Variants in GALNT17 observed in about 807,000 individuals in gnomAD.
GALNT17 encodes polypeptide N-acetylgalactosaminyltransferase 17, also known as UDP-GalNAc:polypeptide N-acetylgalactosaminyltransferase-like 3.
GALNT17 carries 29 observed loss-of-function variants against 63.7 expected under a neutral mutation model. That is an observed-to-expected ratio of 0.46 (90% CI 0.34 to 0.62). The LOEUF (loss-of-function observed/expected upper bound fraction) is 0.62. Ranked by LOEUF, GALNT17 falls within the 20% of genes least tolerant of loss-of-function variation. GALNT17 has a pLI of 0.01. For missense variants in GALNT17, 603 were observed against 799.6 expected, an observed-to-expected ratio of 0.75 and a Z score of 2.97; for synonymous variants, 305 against 318.3, an observed-to-expected ratio of 0.96 and a Z score of 0.45.
chr7:71,283,822 C>T (rs138735582), intron 1 of GALNT17, among the ~76,000 whole-genome samples: 1,553 of 152,052 alleles, frequency 0.01, 25 homozygotes, highest in African/African-American at 0.035. Flanking sequence ...CTTCCTGGGT[C>T]GAGTGGGGAC....
At chr7:71,434,966 GA>G (rs1404232396) in intron 5 of GALNT17, among the ~76,000 whole-genome samples, 1 of 152,198 alleles carries the variant, frequency 6.6e-6, no homozygotes, top group African/African-American at 2.4e-5. Context: ...AAGGCTGGTT[GA>G]CAGAGGGTGT....
At chr7:71,341,761 T>C (rs1246124777) in intron 2 of GALNT17, among the ~76,000 whole-genome samples, 1 of 152,206 alleles carries the variant, frequency 6.6e-6, no homozygotes, top group African/African-American at 2.4e-5. Flanking sequence ...TTACCTCCTC[T>C]GAATTTGTTT....
intron 1 of GALNT17, among the ~76,000 whole-genome samples, chr7:71,225,800 G>A (rs1204846438): frequency 6.6e-6 from 1 of 152,136 alleles, no homozygotes; most frequent in African/African-American, 2.4e-5. Flanking sequence ...AATTGATTAA[G>A]TAAATGATGA....
chr7:71,578,330 C>G (rs897202478), intron 6 of GALNT17, among the ~76,000 whole-genome samples: 3 of 152,034 alleles, frequency 2.0e-5, no homozygotes, highest in Admixed American at 2.0e-4. Context: ...GCCATCACAC[C>G]CGGCCTACAA....
intron 6 of GALNT17, among the ~76,000 whole-genome samples, chr7:71,622,824 A>G (rs113401390): frequency 6.8e-4 from 104 of 152,274 alleles, no homozygotes; most frequent in African/African-American, 2.3e-3. Flanking sequence ...GAAGTTGGCA[A>G]TAGTGCTCTT....
At chr7:71,243,074 G>A (rs1041615744) in intron 1 of GALNT17, among the ~76,000 whole-genome samples, 4 of 152,176 alleles carry the variant, frequency 2.6e-5, no homozygotes, top group Non-Finnish European at 4.4e-5. Context: ...GGGTCCAGGT[G>A]GGAGGTGATT....
At chr7:71,429,677 G>A (rs1786823943) in intron 5 of GALNT17, among the ~76,000 whole-genome samples, 1 of 152,130 alleles carries the variant, frequency 6.6e-6, no homozygotes, top group Admixed American at 6.6e-5. Context: ...AGCGGAGCTG[G>A]GACCACAGGC....
chr7:71,135,504 G>T (rs952340995), intron 1 of GALNT17, among the ~76,000 whole-genome samples: 1 of 152,218 alleles, frequency 6.6e-6, no homozygotes, highest in East Asian at 1.9e-4. Context: ...GAGTGTCAGA[G>T]CTGGGAATCG....
At chr7:71,389,518 A>G (rs992198753) in intron 3 of GALNT17, among the ~76,000 whole-genome samples, 7 of 151,990 alleles carry the variant, frequency 4.6e-5, no homozygotes, top group Non-Finnish European at 1.0e-4. Context: ...CCTGACCCCC[A>G]TGTTCCATGG....
chr7:71,688,569 C>T (rs1267894299), intron 9 of GALNT17, among the ~76,000 whole-genome samples: 3 of 152,224 alleles, frequency 2.0e-5, no homozygotes, highest in African/African-American at 7.2e-5. Context: ...TCGTGATCCA[C>T]GTGCAGAGCA....
rs1789173303 is a variant in GALNT17, at chr7:71,556,889, T to G, written c.963-14396T>G. 2.0e-5 allele frequency among the ~76,000 whole-genome samples: 3 copies of G among 152,024 alleles called. No individual in the cohort carries two copies. The South Asian group carries it at 6.2e-4, about 32-fold the overall frequency. ...CCCCCTTGACATAATCTTATTTTGC[T>G]CTTTGTCCTCTAATTCCCAATTAAT... On this transcript the variant is annotated intron_variant, in intron 5 of 10. Coordinates refer to ENST00000333538, the MANE Select transcript of GALNT17 (RefSeq NM_022479.3).
intron 1 of GALNT17, among the ~76,000 whole-genome samples, chr7:71,158,864 C>T (rs906394230): frequency 2.6e-5 from 4 of 151,824 alleles, no homozygotes; most frequent in African/African-American, 9.7e-5. Flanking sequence ...CGTGAGCCAC[C>T]ACGCCCGGCA....
At chr7:71,218,816 C>T (rs1434610306) in intron 1 of GALNT17, among the ~76,000 whole-genome samples, 2 of 151,970 alleles carry the variant, frequency 1.3e-5, no homozygotes, top group African/African-American at 4.8e-5. Context: ...GATCATCTGT[C>T]ACCGTCTCCC....
At chr7:71,472,025 T>C (rs1787640774) in intron 5 of GALNT17, among the ~76,000 whole-genome samples, 1 of 152,154 alleles carries the variant, frequency 6.6e-6, no homozygotes, top group South Asian at 2.1e-4. Flanking sequence ...CAAAAATTTA[T>C]TTCCCACAGT....
intron 1 of GALNT17, among the ~76,000 whole-genome samples, chr7:71,196,501 G>A (rs886882273): frequency 2.0e-5 from 3 of 152,214 alleles, no homozygotes; most frequent in East Asian, 1.9e-4. Context: ...AGTACAATGT[G>A]CTGAGTCCTA....
intron 3 of GALNT17, among the ~76,000 whole-genome samples, chr7:71,391,234 C>A (rs145684340): frequency 1.3e-5 from 2 of 152,302 alleles, no homozygotes; most frequent in Non-Finnish European, 2.9e-5. Context: ...GGAGCATGAA[C>A]TGCAGATCGG....
At chr7:71,443,134 G>A (rs1391539281) in intron 5 of GALNT17, among the ~76,000 whole-genome samples, 1 of 152,146 alleles carries the variant, frequency 6.6e-6, no homozygotes, top group Non-Finnish European at 1.5e-5. Context: ...CTCAGGGCAG[G>A]TTACAGCTCT....
At chr7:71,252,805 G>C (rs1223296323) in intron 1 of GALNT17, among the ~76,000 whole-genome samples, 1 of 152,150 alleles carries the variant, frequency 6.6e-6, no homozygotes, top group African/African-American at 2.4e-5. Context: ...TAACTGCAAA[G>C]ATAAAAGGCT....
At chr7:71,366,093 T>C (rs1214600535) in intron 2 of GALNT17, among the ~76,000 whole-genome samples, 1 of 152,090 alleles carries the variant, frequency 6.6e-6, no homozygotes, top group African/African-American at 2.4e-5. Flanking sequence ...GAGAATCTAA[T>C]GCTGCTGCTG....
Sources: gnomAD v4.1 joint callset for allele counts (sites outside exome capture counted in the v4.1 genomes callset) on GRCh38, gnomAD v4.1.1 for gene constraint, MANE v1.5 for transcripts, NCBI Gene and HGNC (gene_info 2026-07-23, HGNC 2026-07-21) for gene names.